The following CPAMD8 variants were observed in gnomAD, a reference collection of about 807,000 sequenced individuals.
CPAMD8 encodes C3 and PZP like alpha-2-macroglobulin domain containing 8.
In CPAMD8, 146 loss-of-function variants were observed where a neutral mutation model predicts 224.7. That is an observed-to-expected ratio of 0.65 (90% CI 0.57 to 0.75). The LOEUF (loss-of-function observed/expected upper bound fraction) is 0.75. Ranked by LOEUF, CPAMD8 falls within the 30% of genes least tolerant of loss-of-function variation. CPAMD8 has a pLI of 0.00. For missense variants in CPAMD8, 2,301 were observed against 2,537.5 expected, an observed-to-expected ratio of 0.91 and a Z score of 2.00; for synonymous variants, 966 against 1,044.6, an observed-to-expected ratio of 0.92 and a Z score of 1.45.
At chr19:17,004,688 G>A (rs2056435543) in intron 7 of CPAMD8, among the ~76,000 whole-genome samples, 1 of 152,244 alleles carries the variant, frequency 6.6e-6, no homozygotes, top group African/African-American at 2.4e-5. Context: ...CGAGGGAAAT[G>A]AGCCAGCCCG....
intron 18 of CPAMD8, among the ~76,000 whole-genome samples, chr19:16,960,537 T>C (rs549696209): frequency 6.6e-6 from 1 of 151,986 alleles, no homozygotes; most frequent in South Asian, 2.1e-4. Context: ...AAAAGAAATG[T>C]ACAAAATGAC....
intron 29 of CPAMD8, among the ~76,000 whole-genome samples, chr19:16,911,158 A>C (rs150674335): frequency 4.0e-4 from 61 of 152,264 alleles, no homozygotes; most frequent in African/African-American, 1.4e-3. Context: ...GTGGCCTGTT[A>C]GGAAGGGGCT....
At chr19:16,987,271 A>G (rs2055778285) in intron 13 of CPAMD8, among the ~76,000 whole-genome samples, 1 of 148,378 alleles carries the variant, frequency 6.7e-6, no homozygotes, top group Non-Finnish European at 1.5e-5. Context: ...ATATATATGC[A>G]CATATATACA....
chr19:16,921,364 C>G (rs1342093829), intron 27 of CPAMD8, among the ~76,000 whole-genome samples: 1 of 151,970 alleles, frequency 6.6e-6, no homozygotes, highest in Admixed American at 6.5e-5. Context: ...CAGGTGAACC[C>G]CATGATGATG....
intron 22 of CPAMD8, among the ~76,000 whole-genome samples, chr19:16,944,716 G>A (rs1337619208): frequency 7.5e-6 from 1 of 133,800 alleles, no homozygotes; most frequent in Non-Finnish European, 1.6e-5. Context: ...CGACACTACA[G>A]CGGTGACCTG....
chr19:16,940,992 G>A (rs978102932), intron 22 of CPAMD8, among the ~76,000 whole-genome samples: 15 of 152,308 alleles, frequency 9.8e-5, no homozygotes, highest in African/African-American at 2.6e-4. Context: ...GTCCAGTGGC[G>A]CAGTCTCAGC....
At chr19:16,939,689 C>T (rs1167727979) in intron 22 of CPAMD8, among the ~76,000 whole-genome samples, 11 of 152,100 alleles carry the variant, frequency 7.2e-5, no homozygotes, top group Admixed American at 5.2e-4. Context: ...AGCTGTTAAA[C>T]GTCTCCTGAT....
At chr19:16,953,034 G>T (rs376004899) in intron 19 of CPAMD8, among the ~76,000 whole-genome samples, 3 of 151,994 alleles carry the variant, frequency 2.0e-5, no homozygotes, top group South Asian at 4.1e-4. Flanking sequence ...ACAGACCAAT[G>T]GAATCAAATA....
intron 23 of CPAMD8, among the ~76,000 whole-genome samples, chr19:16,931,244 C>T (rs555096407): frequency 1.3e-5 from 2 of 152,292 alleles, no homozygotes; most frequent in African/African-American, 4.8e-5. Flanking sequence ...TGAGATAGGT[C>T]GGCCCAGCCC....
intron 5 of CPAMD8, among the ~76,000 whole-genome samples, chr19:17,010,197 G>C (rs1424612861): frequency 6.6e-6 from 1 of 151,908 alleles, no homozygotes; most frequent in African/African-American, 2.4e-5. Context: ...TTATTATTGT[G>C]TCAATGTCAA....
intron 13 of CPAMD8, among the ~76,000 whole-genome samples, chr19:16,985,547 T>C (rs895428698): frequency 1.4e-5 from 2 of 139,126 alleles, no homozygotes; most frequent in African/African-American, 5.5e-5. Context: ...GGTGGATAGA[T>C]GGGTGGAGAA....
chr19:16,998,733 G>A (rs1237534452), intron 10 of CPAMD8, among the ~76,000 whole-genome samples: 1 of 152,110 alleles, frequency 6.6e-6, no homozygotes, highest in Non-Finnish European at 1.5e-5. Flanking sequence ...TAAACAGGTG[G>A]GAATATAAAA....
Position 16,940,339 on chromosome 19 carries a change from C to T in CPAMD8, c.2794-1893G>A, listed in dbSNP as rs150011785. On this transcript the variant is annotated intron_variant, in intron 22 of 41. Transcript: ENST00000443236. ...GGGAGTGTGTTTATATAACAAATCT[C>T]ATTCTATGTATGTAGGGGGTGCGGA... 4.0e-3 allele frequency among the ~76,000 whole-genome samples: 606 copies of T among 152,284 alleles called. 2 individuals carry two copies. The highest frequency in any genetic ancestry group is 5.1e-3 in the Non-Finnish European group (350 of 68,030).
chr19:16,897,811 G>A lies in CPAMD8; in HGVS notation c.4955-10C>T. On this transcript the variant is annotated splice_polypyrimidine_tract_variant and intron_variant, in intron 38 of 41. Transcript: ENST00000443236. ...CGAGTGGCCTCGAAGGCTACGGGACGAGGGTGGCGGGTGACCAAGTGCAGG... is the reference window on the plus strand; with the variant it reads ...CGAGTGGCCTCGAAGGCTACGGGACAAGGGTGGCGGGTGACCAAGTGCAGG... The A allele has an allele frequency of 1.3e-6, 2 of 1,576,872 alleles. No homozygotes were observed. The highest frequency in any genetic ancestry group is 1.1e-5 in the South Asian group (1 of 87,200).
intron 2 of CPAMD8, among the ~76,000 whole-genome samples, chr19:17,021,596 G>T (rs915858944): frequency 6.6e-6 from 1 of 152,224 alleles, no homozygotes. Context: ...GGAGTGAAGG[G>T]GAGAGACTGG....
chr19:16,928,885 C>G, intron 24 of CPAMD8, 57 bp downstream of exon 24: 24 of 1,391,970 alleles, frequency 1.7e-5, no homozygotes, highest in Non-Finnish European at 2.3e-5. Context: ...CAGGAAGCAG[C>G]TAGTATTGGA....
At chr19:17,026,396 C>A (rs367892967) in intron 1 of CPAMD8, among the ~76,000 whole-genome samples, 155 bp downstream of exon 1, 2 of 152,176 alleles carry the variant, frequency 1.3e-5, no homozygotes, top group African/African-American at 2.4e-5. Flanking sequence ...CTTTAGGGCG[C>A]CCCCTCCTCA....
chr19:17,023,514 C>T (rs2057009352), intron 1 of CPAMD8, among the ~76,000 whole-genome samples: 1 of 152,138 alleles, frequency 6.6e-6, no homozygotes, highest in Non-Finnish European at 1.5e-5. Context: ...AAGGGGGAAA[C>T]TGGACCATGC....
intron 27 of CPAMD8, among the ~76,000 whole-genome samples, chr19:16,917,082 A>G (rs1023133570): frequency 6.6e-6 from 1 of 152,202 alleles, no homozygotes; most frequent in Non-Finnish European, 1.5e-5. Context: ...GATAAATGTT[A>G]TCAAGTGATA....
Sources: allele counts gnomAD v4.1 joint callset (sites outside exome capture counted in the v4.1 genomes callset), GRCh38; gene constraint gnomAD v4.1.1; transcripts MANE v1.5; gene names NCBI Gene and HGNC (gene_info 2026-07-23, HGNC 2026-07-21).